Variants in FGF18 observed in about 807,000 individuals in gnomAD.
The protein encoded by FGF18 is fibroblast growth factor 18.
FGF18 carries 5 observed loss-of-function variants against 23.0 expected under a neutral mutation model. That is an observed-to-expected ratio of 0.22 (90% CI 0.11 to 0.46). The LOEUF (loss-of-function observed/expected upper bound fraction) is 0.46. Among genes scored for constraint, FGF18 ranks in the 20% least tolerant of loss-of-function variants. The probability of loss-of-function intolerance (pLI) is 0.99; values close to 1 mark genes in which losing one functional copy is unlikely to be tolerated. For synonymous variants in FGF18, 117 were observed against 118.9 expected (o/e 0.98, Z 0.10); for missense variants, 180 against 291.6 (o/e 0.62, Z 2.79).
In FGF18 at chr5:171,428,242, G is replaced by C. The variant is rs186686375; in HGVS notation, c.69+7799G>C. 4.3e-3 allele frequency among the ~76,000 whole-genome samples: 652 copies of C among 152,306 alleles called. 7 individuals carry two copies. The highest frequency in any genetic ancestry group is 0.015 in the African/African-American group (624 of 41,574). On this transcript the variant is annotated intron_variant, in intron 2 of 4. Transcript: ENST00000274625. Reference sequence around the variant, plus strand: ...GAGGAATGTTGGGTCAGTGAGTGGAGGTTTGAGGGAGAGGTTCTCTGGGGA... The same window carrying C: ...GAGGAATGTTGGGTCAGTGAGTGGACGTTTGAGGGAGAGGTTCTCTGGGGA...
At chr5:171,441,226 C>G (rs1772338667) in intron 3 of FGF18, among the ~76,000 whole-genome samples, 1 of 152,152 alleles carries the variant, frequency 6.6e-6, no homozygotes, top group South Asian at 2.1e-4. Context: ...GACCCCTAGT[C>G]TCAGAGTTGA....
At chr5:171,453,282 G>A (rs1772541172) in intron 4 of FGF18, among the ~76,000 whole-genome samples, 1 of 152,194 alleles carries the variant, frequency 6.6e-6, no homozygotes, top group South Asian at 2.1e-4. Context: ...AGGTCACGCA[G>A]GGGAACTTGT....
intron 2 of FGF18, among the ~76,000 whole-genome samples, chr5:171,423,007 A>T (rs1772039308): frequency 6.6e-6 from 1 of 152,176 alleles, no homozygotes; most frequent in African/African-American, 2.4e-5. Flanking sequence ...TGGGAAATGG[A>T]TGCGCCTACG....
chr5:171,453,905 C>T (rs1772548421), intron 4 of FGF18, among the ~76,000 whole-genome samples: 1 of 151,998 alleles, frequency 6.6e-6, no homozygotes, highest in African/African-American at 2.4e-5. Context: ...AAACCCCTTT[C>T]ATGTGTCATC....
Position 171,456,751 on chromosome 5 carries a change from G to A in FGF18, c.570G>A (p.Lys190=). Residue 190 remains lysine (K), a synonymous_variant, in exon 5 of 5, where the codon AAG becomes AAA. Transcript: ENST00000274625. This position sits in a 1 kb window ranked among gnomAD's most constrained non-coding sequence, Gnocchi z 6.1. Reference sequence around the variant, plus strand: ...AGCCGGAGCTTCAGAAGCCCTTCAAGTACACGACGGTGACCAAGAGGTCCC... The same window carrying A: ...AGCCGGAGCTTCAGAAGCCCTTCAAATACACGACGGTGACCAAGAGGTCCC... ...KGQPELQKPF[K]YTTVTKRSRR... The A allele has an allele frequency of 1.2e-6, 2 of 1,614,084 alleles. No individual in the cohort carries two copies. The highest frequency in any genetic ancestry group is 2.2e-5 in the South Asian group (2 of 91,084).
intron 2 of FGF18, among the ~76,000 whole-genome samples, chr5:171,428,165 G>T (rs1159415340): frequency 2.6e-5 from 4 of 152,218 alleles, no homozygotes; most frequent in African/African-American, 7.2e-5. Flanking sequence ...TCAAAGGGAG[G>T]TCTGACCCCT....
intron 4 of FGF18, among the ~76,000 whole-genome samples, chr5:171,449,727 C>T (rs998710271): frequency 6.6e-6 from 1 of 152,004 alleles, no homozygotes; most frequent in African/African-American, 2.4e-5. Context: ...AACCTGGCCG[C>T]CTCGTCAGCG....
At chr5:171,425,307 G>A (rs991650878) in intron 2 of FGF18, among the ~76,000 whole-genome samples, 3 of 152,066 alleles carry the variant, frequency 2.0e-5, no homozygotes, top group Non-Finnish European at 2.9e-5. Context: ...GCAATGGTGC[G>A]ATCTCGGCTA....
chr5:171,444,282 G>A (rs1293543766), intron 3 of FGF18, among the ~76,000 whole-genome samples: 1 of 152,176 alleles, frequency 6.6e-6, no homozygotes, highest in Non-Finnish European at 1.5e-5. Flanking sequence ...TGAGGGGTGG[G>A]GTAGACAGGC....
intron 2 of FGF18, among the ~76,000 whole-genome samples, chr5:171,429,189 T>C (rs1210405901): frequency 6.6e-6 from 1 of 152,222 alleles, no homozygotes; most frequent in African/African-American, 2.4e-5. Flanking sequence ...CCTCCTCCCC[T>C]TTCCATCCAT....
intron 3 of FGF18, among the ~76,000 whole-genome samples, chr5:171,447,667 A>G (rs993878064): frequency 6.6e-6 from 1 of 152,292 alleles, no homozygotes; most frequent in Middle Eastern, 3.4e-3. Flanking sequence ...CTCAAGTTCC[A>G]GATGGTTTTA....
rs566577499 is a variant in FGF18, at chr5:171,430,794, C to CAAAAA, written c.70-5281_70-5277dup. On this transcript the variant is annotated intron_variant, in intron 2 of 4. Coordinates refer to ENST00000274625, the MANE Select transcript of FGF18 (RefSeq NM_003862.3). Reference sequence around the variant, plus strand: ...TGGGCGACAGAGCAAGACTCCGTCTCAAAAAAAAAAAAAAAAAAAAAAGAA... The same window carrying CAAAAA: ...TGGGCGACAGAGCAAGACTCCGTCTCAAAAAAAAAAAAAAAAAAAAAAAAAAAGAA... Among the ~76,000 whole-genome samples the CAAAAA allele has an allele frequency of 1.1e-4, 6 of 53,794 alleles. 1 individual carries two copies. The highest frequency in any genetic ancestry group is 1.8e-4 in the Non-Finnish European group (5 of 27,276). 35.3% of individuals were successfully genotyped at this position (53,794 alleles called of 152,430 possible).
Position 171,456,502 on chromosome 5 carries a change from A to AT in FGF18, c.358-30dup, listed in dbSNP as rs772205104. On this transcript the variant is annotated intron_variant, in intron 4 of 4. Coordinates refer to ENST00000274625, the MANE Select transcript of FGF18 (RefSeq NM_003862.3). This position sits in a 1 kb window ranked among gnomAD's most constrained non-coding sequence, Gnocchi z 6.1. ...GTGCTTTGGCAAGCATAACTGAGTC[A>AT]TTTTTTTCTTGAACACTCCCCCTCT... 23 of 1,594,904 alleles carry AT rather than the reference A, an allele frequency of 1.4e-5. No homozygotes were observed. Among genetic ancestry groups the AT allele is most frequent in the African/African-American group, 2.7e-5 (2 of 74,120 alleles).
rs1772509976 is a variant in FGF18, at chr5:171,451,620, C to T, written c.357+2367C>T. ...CTACAGCACATACGGCATTGGAGGG[C>T]GGCACATGACCTGCCCTCCACCCCC... On this transcript the variant is annotated intron_variant, in intron 4 of 4. Transcript: ENST00000274625. This position sits in a 1 kb window ranked among gnomAD's most constrained non-coding sequence, Gnocchi z 4.5. Among the ~76,000 whole-genome samples, 2 of 152,290 alleles carry T rather than the reference C, an allele frequency of 1.3e-5. No homozygotes were observed. Among genetic ancestry groups the T allele is most frequent in the South Asian group, 2.1e-4 (1 of 4,830 alleles).
rs974537540 is a variant in FGF18, at chr5:171,434,928, G to C, written c.70-1165G>C. Among the ~76,000 whole-genome samples, 3 of 152,058 alleles carry C rather than the reference G, an allele frequency of 2.0e-5. No homozygotes were observed. Among genetic ancestry groups the C allele is most frequent in the Non-Finnish European group, 2.9e-5 (2 of 68,012 alleles). The stretch of plus-strand genomic sequence containing the variant: ...GGGAGGGAGAGTGTCAGAGCTGGAG[G>C]TGGCTTCAGAAAGGGGTCCAGGAAG... On this transcript the variant is annotated intron_variant, in intron 2 of 4. Coordinates refer to ENST00000274625, the MANE Select transcript of FGF18 (RefSeq NM_003862.3). The surrounding 1 kb of genome is among the most constrained non-coding windows in gnomAD (Gnocchi z 4.6).
intron 3 of FGF18, among the ~76,000 whole-genome samples, chr5:171,447,498 G>A (rs1230882451): frequency 6.6e-6 from 1 of 152,190 alleles, no homozygotes; most frequent in African/African-American, 2.4e-5. Flanking sequence ...GGGGGGAGGT[G>A]GAGAGAAGAA....
intron 2 of FGF18, among the ~76,000 whole-genome samples, chr5:171,421,294 G>A (rs539812611): frequency 1.3e-5 from 2 of 152,274 alleles, no homozygotes; most frequent in East Asian, 3.9e-4. Flanking sequence ...CTTCAGCCCC[G>A]ATTAGAACCA....
rs1325979908 is a variant in FGF18, at chr5:171,440,660, G to C, written c.250+4387G>C. ...GTGAGCCCACCCATTCTCTCCCTGA[G>C]CCTCGGTTTCCCCACCTGTAATGTG... On this transcript the variant is annotated intron_variant, in intron 3 of 4. Transcript: ENST00000274625. The surrounding 1 kb of genome is among the most constrained non-coding windows in gnomAD (Gnocchi z 4.0). Among the ~76,000 whole-genome samples the C allele has an allele frequency of 6.6e-6, 1 of 152,158 alleles. No homozygotes were observed. The highest frequency in any genetic ancestry group is 2.4e-5 in the African/African-American group (1 of 41,438).
intron 4 of FGF18, among the ~76,000 whole-genome samples, chr5:171,452,861 T>C (rs1772536257): frequency 6.6e-6 from 1 of 152,124 alleles, no homozygotes. Flanking sequence ...ACGGGGCTTA[T>C]ATAGCAAACA....
Sources: gnomAD v4.1 joint callset for allele counts (sites outside exome capture counted in the v4.1 genomes callset) on GRCh38, gnomAD v4.1.1 for gene constraint, Gnocchi (gnomAD v3.1) non-coding constraint, MANE v1.5 for transcripts, NCBI Gene and HGNC (gene_info 2026-07-23, HGNC 2026-07-21) for gene names.